LARGE1: variants seen among roughly 807,000 people sequenced by gnomAD.
The protein encoded by LARGE1 is LARGE xylosyl- and glucuronyltransferase 1, also known as xylosyl- and glucuronyltransferase LARGE1.
LARGE1 carries 43 observed loss-of-function variants against 87.6 expected under a neutral mutation model. The ratio of observed to expected loss-of-function variants is 0.49; its 90% CI spans 0.38 to 0.63. The LOEUF (loss-of-function observed/expected upper bound fraction) is 0.63. Among genes scored for constraint, LARGE1 ranks in the 30% least tolerant of loss-of-function variants. The pLI, the probability that LARGE1 is intolerant of heterozygous loss-of-function variation, is 0.00. For missense variants in LARGE1, 802 were observed against 1,000.2 expected, an observed-to-expected ratio of 0.80 and a Z score of 2.67; for synonymous variants, 434 against 394.6, an observed-to-expected ratio of 1.10 and a Z score of -1.18.
At chr22:33,161,007 G>A (rs1381427184), downstream of LARGE1, among the ~76,000 whole-genome samples, 1 of 152,236 alleles carries the variant, frequency 6.6e-6, no homozygotes, top group East Asian at 1.9e-4. Flanking sequence ...AACTGCCTGA[G>A]ACTGAGTAAT....
intron 1 of LARGE1, among the ~76,000 whole-genome samples, chr22:33,837,257 TACAC>T (rs3072340): frequency 0.015 from 2,185 of 149,496 alleles, 46 homozygotes; most frequent in African/African-American, 0.048. Context: ...GTATTACATA[TACAC>T]ACACACACAC....
chr22:33,437,819 G>A (rs2067325876), intron 6 of LARGE1, among the ~76,000 whole-genome samples: 1 of 152,310 alleles, frequency 6.6e-6, no homozygotes, highest in African/African-American at 2.4e-5. Context: ...AGAGGAGACA[G>A]ATAAACAATT....
chr22:33,618,721 T>A (rs1483639283), intron 4 of LARGE1, among the ~76,000 whole-genome samples: 1 of 152,144 alleles, frequency 6.6e-6, no homozygotes, highest in East Asian at 1.9e-4. Flanking sequence ...GGCAGACAAA[T>A]GCCTAGGCAG....
intron 12 of LARGE1, among the ~76,000 whole-genome samples, chr22:33,285,130 G>C (rs1931270242): frequency 6.6e-6 from 1 of 152,148 alleles, no homozygotes; most frequent in South Asian, 2.1e-4. Flanking sequence ...TCCCTGGCTT[G>C]GATATTCTGT....
At chr22:33,180,510 T>C (rs1054580789) in intron 11 of LARGE1, among the ~76,000 whole-genome samples, 6 of 152,248 alleles carry the variant, frequency 3.9e-5, no homozygotes, top group African/African-American at 1.4e-4. Context: ...TGTGAAAAAC[T>C]GGCAGTTCCT....
At chr22:33,676,497 A>G (rs1224451003) in intron 2 of LARGE1, among the ~76,000 whole-genome samples, 2 of 151,480 alleles carry the variant, frequency 1.3e-5, no homozygotes, top group Non-Finnish European at 2.9e-5. Flanking sequence ...GCCAAAATAC[A>G]TATCAAAGAC....
intron 6 of LARGE1, among the ~76,000 whole-genome samples, chr22:33,481,471 G>T (rs2069324552): frequency 6.6e-6 from 1 of 151,724 alleles, no homozygotes; most frequent in African/African-American, 2.4e-5. Context: ...TTTAATCTAT[G>T]GTGCACATTT....
intron 2 of LARGE1, among the ~76,000 whole-genome samples, chr22:33,703,355 G>GAAAAA: frequency 1.2e-5 from 1 of 86,650 alleles, no homozygotes; most frequent in Non-Finnish European, 2.5e-5. Context: ...AGCCTAAAGT[G>GAAAAA]AAAAAAAAAA....
At chr22:33,543,233 G>T (rs1324948381) in intron 6 of LARGE1, among the ~76,000 whole-genome samples, 3 of 151,898 alleles carry the variant, frequency 2.0e-5, no homozygotes, top group Non-Finnish European at 4.4e-5. Context: ...AAAAGGCCCA[G>T]GATGGTGAGC....
intron 9 of LARGE1, among the ~76,000 whole-genome samples, chr22:33,347,529 C>T (rs549698556): frequency 6.6e-6 from 1 of 152,168 alleles, no homozygotes; most frequent in African/African-American, 2.4e-5. Flanking sequence ...GTCTAAGGGA[C>T]AAAGAGCTTG....
chr22:33,599,051 T>G (rs1038526325), intron 5 of LARGE1, among the ~76,000 whole-genome samples: 1 of 152,180 alleles, frequency 6.6e-6, no homozygotes, highest in Non-Finnish European at 1.5e-5. Context: ...TGAATTCAAG[T>G]GCAACTCAAC....
intron 1 of LARGE1, among the ~76,000 whole-genome samples, chr22:33,799,194 C>A (rs939225815): frequency 2.3e-4 from 35 of 152,100 alleles, no homozygotes; most frequent in South Asian, 1.9e-3. Flanking sequence ...AGTATCACGC[C>A]AAAGAAACAC....
chr22:33,877,119 A>G (rs1481599680), intron 1 of LARGE1, among the ~76,000 whole-genome samples: 1 of 152,226 alleles, frequency 6.6e-6, no homozygotes, highest in Admixed American at 6.5e-5. Context: ...AGCGTCTTCT[A>G]TGTACCAGGA....
intron 11 of LARGE1, among the ~76,000 whole-genome samples, chr22:33,311,919 C>T (rs1291572038): frequency 6.6e-6 from 1 of 152,104 alleles, no homozygotes; most frequent in East Asian, 1.9e-4. Flanking sequence ...GTGACTTGCC[C>T]AGAACACCAG....
At chr22:33,593,222 T>C (rs2078892484) in intron 5 of LARGE1, among the ~76,000 whole-genome samples, 1 of 152,056 alleles carries the variant, frequency 6.6e-6, no homozygotes, top group Admixed American at 6.6e-5. Flanking sequence ...TGGATTTTCT[T>C]GGTAGAGACG....
intron 12 of LARGE1, among the ~76,000 whole-genome samples, chr22:33,293,549 C>T (rs1364502794): frequency 6.6e-6 from 1 of 152,144 alleles, no homozygotes; most frequent in Non-Finnish European, 1.5e-5. Flanking sequence ...TCTGTCTTCC[C>T]AACCTTGCAA....
At chr22:33,697,254 C>T (rs2082278771) in intron 2 of LARGE1, among the ~76,000 whole-genome samples, 1 of 152,134 alleles carries the variant, frequency 6.6e-6, no homozygotes, top group African/African-American at 2.4e-5. Context: ...GGTTCTCGTC[C>T]TGCTTATACA....
intron 6 of LARGE1, among the ~76,000 whole-genome samples, chr22:33,539,941 C>A (rs749430561): frequency 2.6e-5 from 4 of 151,998 alleles, no homozygotes; most frequent in African/African-American, 9.7e-5. Context: ...TCTTCTGACC[C>A]GGGATAAAAT....
At chr22:33,810,429 A>G (rs1320250361) in intron 1 of LARGE1, among the ~76,000 whole-genome samples, 3 of 152,094 alleles carry the variant, frequency 2.0e-5, no homozygotes, top group Non-Finnish European at 2.9e-5. Flanking sequence ...AGATTCTACC[A>G]TGGTGTGGTG....
Sources: allele counts gnomAD v4.1 joint callset (sites outside exome capture counted in the v4.1 genomes callset), GRCh38; gene constraint gnomAD v4.1.1; transcripts MANE v1.5; gene names NCBI Gene and HGNC (gene_info 2026-07-23, HGNC 2026-07-21).